EPS8: variants seen among roughly 807,000 people sequenced by gnomAD.
The protein encoded by EPS8 is epidermal growth factor receptor kinase substrate 8.
Under a neutral mutation model 103.8 loss-of-function variants are expected in EPS8, and 42 were observed. The observed-to-expected ratio is 0.40, with a 90% CI of 0.32 to 0.52. The LOEUF (loss-of-function observed/expected upper bound fraction) is 0.52, where lower values mean the gene tolerates loss of function less well. Among genes scored for constraint, EPS8 ranks in the 20% least tolerant of loss-of-function variants. EPS8 has a pLI of 0.40. For synonymous variants in EPS8, 344 were observed against 344.6 expected (o/e 1.00, Z 0.02); for missense variants, 969 against 1,005.1 (o/e 0.96, Z 0.49).
At chr12:15,671,349 C>T (rs942381618) in intron 3 of EPS8, among the ~76,000 whole-genome samples, 22 of 152,058 alleles carry the variant, frequency 1.4e-4, no homozygotes, top group Admixed American at 2.6e-4. Flanking sequence ...AGTTAGACTA[C>T]ATTATTAAAA....
At position 15,787,729 on chromosome 12, in the gene EPS8, A is replaced by T. The variant is rs1947325022; in HGVS notation, c.-22+1432T>A. On this transcript the variant is annotated intron_variant, in intron 1 of 20. Coordinates refer to ENST00000281172, the MANE Select transcript of EPS8 (RefSeq NM_004447.6). The surrounding 1 kb of genome is among the most constrained non-coding windows in gnomAD (Gnocchi z 4.9). ...TCTCAATCTGTGTATTCTGCAATAA[A>T]GGCATTATATTATCACTATTGCATT... 6.6e-6 allele frequency among the ~76,000 whole-genome samples: 1 copy of T among 152,194 alleles called. No individual in the cohort carries two copies. The highest frequency in any genetic ancestry group is 2.4e-5 in the African/African-American group (1 of 41,448).
In EPS8 at chr12:15,684,180, G is replaced by A. The variant is rs1221717007; in HGVS notation, c.-21-1208C>T. 1 of 152,166 alleles carries A rather than the reference G, an allele frequency of 6.6e-6. No individual in the cohort carries two copies. Among genetic ancestry groups the A allele is most frequent in the African/African-American group, 2.4e-5 (1 of 41,458 alleles). The allele number at this position is 152,166 out of a possible 1,614,324, so 9.4% of individuals were successfully genotyped here. A position where few individuals can be genotyped will look rare whatever the true frequency, so the allele number is the denominator to read the frequency against. On this transcript the variant is annotated intron_variant, in intron 1 of 20. Coordinates refer to ENST00000281172, the MANE Select transcript of EPS8 (RefSeq NM_004447.6). This position sits in a 1 kb window ranked among gnomAD's most constrained non-coding sequence, Gnocchi z 4.9. ...TAACAGAACTTAACTCTGATTGGAAGAGCACAGAAAGCCTACATAAAGAAA... is the reference window on the plus strand; with the variant it reads ...TAACAGAACTTAACTCTGATTGGAAAAGCACAGAAAGCCTACATAAAGAAA...
Position 15,767,538 on chromosome 12 carries a change from G to C in EPS8, c.-22+21623C>G, listed in dbSNP as rs1050908777. Among the ~76,000 whole-genome samples the C allele has an allele frequency of 6.6e-6, 1 of 152,140 alleles. No homozygotes were observed. The highest frequency in any genetic ancestry group is 2.4e-5 in the African/African-American group (1 of 41,432). On this transcript the variant is annotated intron_variant, in intron 1 of 20. Coordinates refer to ENST00000281172, the MANE Select transcript of EPS8 (RefSeq NM_004447.6). The surrounding 1 kb of genome is among the most constrained non-coding windows in gnomAD (Gnocchi z 5.5). ...AGTTGACAGTATCAGGTCAGTCTTA[G>C]GCCATAAAGAAGTACTTTATTATCC...
intron 18 of EPS8, among the ~76,000 whole-genome samples, chr12:15,628,704 C>T (rs1239783801): frequency 6.6e-6 from 1 of 152,206 alleles, no homozygotes; most frequent in Non-Finnish European, 1.5e-5. Context: ...TAAAAACAGG[C>T]ATGTTGGCTT....
At chr12:15,763,705 C>T (rs1214351719) in intron 1 of EPS8, among the ~76,000 whole-genome samples, 1 of 152,196 alleles carries the variant, frequency 6.6e-6, no homozygotes, top group African/African-American at 2.4e-5. Flanking sequence ...TGGCACTCTT[C>T]TTTCTCCATC....
In EPS8 at chr12:15,723,138, C is replaced by G. The variant is rs892879894; in HGVS notation, c.-21-40166G>C. On this transcript the variant is annotated intron_variant, in intron 1 of 20. Coordinates refer to ENST00000281172, the MANE Select transcript of EPS8 (RefSeq NM_004447.6). ...CAGCCTGGGCAACATGGTGAAATCTCCTCTCTACAAAAAATACAAAAACTT... is the reference window on the plus strand; with the variant it reads ...CAGCCTGGGCAACATGGTGAAATCTGCTCTCTACAAAAAATACAAAAACTT... 3.9e-5 allele frequency among the ~76,000 whole-genome samples: 6 copies of G among 152,048 alleles called. No individual in the cohort carries two copies. In the East Asian group the frequency reaches 1.2e-3, roughly 29 times the overall value.
rs1565528478 is a variant in EPS8, at chr12:15,747,381, C to T, written c.-22+41780G>A. 6.6e-6 allele frequency among the ~76,000 whole-genome samples: 1 copy of T among 152,138 alleles called. No homozygotes were observed. The highest frequency in any genetic ancestry group is 1.5e-5 in the Non-Finnish European group (1 of 68,022). ...AAAGTGCTTAATCTTAGTACATTAA[C>T]AAACTTACTCCATTTCCTAGAAACC... On this transcript the variant is annotated intron_variant, in intron 1 of 20. Transcript: ENST00000281172. The surrounding 1 kb of genome is among the most constrained non-coding windows in gnomAD (Gnocchi z 4.4).
rs138188521 is a variant in EPS8, at chr12:15,779,581, T to C, written c.-22+9580A>G. On this transcript the variant is annotated intron_variant, in intron 1 of 20. Coordinates refer to ENST00000281172, the MANE Select transcript of EPS8 (RefSeq NM_004447.6). The surrounding 1 kb of genome is among the most constrained non-coding windows in gnomAD (Gnocchi z 4.3). The stretch of plus-strand genomic sequence containing the variant: ...CCAACAAATATCTCAATAATATACA[T>C]GTATTTCTATAATAAGGAATAACTT... 8.8e-3 allele frequency among the ~76,000 whole-genome samples: 1,348 copies of C among 152,342 alleles called. 21 individuals are homozygous for C. The highest frequency in any genetic ancestry group is 0.03 in the African/African-American group (1,236 of 41,578).
rs1238797409 is a variant in EPS8, at chr12:15,701,397, A to C, written c.-21-18425T>G. Among the ~76,000 whole-genome samples, 1 of 152,194 alleles carries C rather than the reference A, an allele frequency of 6.6e-6. No homozygotes were observed. The highest frequency in any genetic ancestry group is 1.5e-5 in the Non-Finnish European group (1 of 68,018). ...CTCAGACACAGGCAGACCAACACAA[A>C]AGCCCAAACTCAGTTTCTATGCTAT... is the stretch of plus-strand genomic sequence containing the variant. On this transcript the variant is annotated intron_variant, in intron 1 of 20. Coordinates refer to ENST00000281172, the MANE Select transcript of EPS8 (RefSeq NM_004447.6). This position sits in a 1 kb window ranked among gnomAD's most constrained non-coding sequence, Gnocchi z 5.1.
At chr12:15,645,951 A>G (rs1279437253) in intron 15 of EPS8, among the ~76,000 whole-genome samples, 1 of 152,228 alleles carries the variant, frequency 6.6e-6, no homozygotes, top group Non-Finnish European at 1.5e-5. Context: ...AAACCTATTA[A>G]TCTGAAATGA....
At chr12:15,732,034 A>G (rs1946722305) in intron 1 of EPS8, among the ~76,000 whole-genome samples, 1 of 152,174 alleles carries the variant, frequency 6.6e-6, no homozygotes, top group Non-Finnish European at 1.5e-5. Context: ...TACTCCTGAG[A>G]GTAGGTAAGT....
rs1464158247 is a variant in EPS8, at chr12:15,761,132, T to C, written c.-22+28029A>G. Among the ~76,000 whole-genome samples the C allele has an allele frequency of 6.6e-6, 1 of 151,988 alleles. No homozygotes were observed. Among genetic ancestry groups the C allele is most frequent in the Non-Finnish European group, 1.5e-5 (1 of 67,972 alleles). On this transcript the variant is annotated intron_variant, in intron 1 of 20. Coordinates refer to ENST00000281172, the MANE Select transcript of EPS8 (RefSeq NM_004447.6). The surrounding 1 kb of genome is among the most constrained non-coding windows in gnomAD (Gnocchi z 4.5). Reference sequence around the variant, plus strand: ...AATCAAATTACAAAAATCAGTAGCATTTCTACATGCCAACAGACAACAATC... The same window carrying C: ...AATCAAATTACAAAAATCAGTAGCACTTCTACATGCCAACAGACAACAATC...
chr12:15,626,268 C>G (rs897092684), intron 18 of EPS8, among the ~76,000 whole-genome samples: 6 of 152,130 alleles, frequency 3.9e-5, no homozygotes, highest in African/African-American at 1.4e-4. Context: ...ACAGATCTCT[C>G]TGCTTCCACT....
At chr12:15,634,023 A>G (rs1004400056) in intron 17 of EPS8, among the ~76,000 whole-genome samples, 6 of 152,202 alleles carry the variant, frequency 3.9e-5, no homozygotes, top group African/African-American at 1.2e-4. Context: ...AATGATTCCA[A>G]CGTATCTCAG....
Position 15,660,750 on chromosome 12 carries a change from G to T in EPS8, c.811-10C>A, listed in dbSNP as rs2135815753. 2 of 1,454,886 alleles carry T rather than the reference G, an allele frequency of 1.4e-6. No individual in the cohort carries two copies. Among genetic ancestry groups the T allele is most frequent in the Middle Eastern group, 1.9e-4 (1 of 5,292 alleles). 90.1% of individuals were successfully genotyped at this position (1,454,886 alleles called of 1,614,324 possible). ...TGTGGTTTAAGATTTGCTGAAATTA[G>T]AAATTATAGAATAAAATATAAAACA... is the stretch of plus-strand genomic sequence containing the variant. On this transcript the variant is annotated splice_polypyrimidine_tract_variant and intron_variant, in intron 9 of 20. Transcript: ENST00000281172.
In EPS8 at chr12:15,727,614, C is replaced by T. The variant is rs538452172; in HGVS notation, c.-21-44642G>A. Among the ~76,000 whole-genome samples the T allele has an allele frequency of 6.6e-6, 1 of 152,182 alleles. No individual in the cohort carries two copies. Among genetic ancestry groups the T allele is most frequent in the Admixed American group, 6.5e-5 (1 of 15,284 alleles). ...GTGGCTCACGCCTGTAATTCCAGCA[C>T]CTTGGGAGGCCGAGGTGGGCGGATC... is the stretch of plus-strand genomic sequence containing the variant. On this transcript the variant is annotated intron_variant, in intron 1 of 20. Transcript: ENST00000281172. The surrounding 1 kb of genome is among the most constrained non-coding windows in gnomAD (Gnocchi z 4.3).
intron 6 of EPS8, among the ~76,000 whole-genome samples, chr12:15,667,069 T>G (rs1179434584): frequency 6.6e-6 from 1 of 152,216 alleles, no homozygotes; most frequent in Non-Finnish European, 1.5e-5. Context: ...TCCACTACTT[T>G]TCCAGAACAT....
intron 4 of EPS8, 59 bp from the exon 5 acceptor site, chr12:15,669,884 A>G: frequency 2.3e-6 from 3 of 1,304,150 alleles, no homozygotes; most frequent in Non-Finnish European, 3.1e-6. Flanking sequence ...ACAACCTCTT[A>G]GTATACATTT....
intron 1 of EPS8, among the ~76,000 whole-genome samples, chr12:15,724,565 T>C (rs1287287357): frequency 1.3e-5 from 2 of 152,236 alleles, no homozygotes; most frequent in Non-Finnish European, 2.9e-5. Context: ...TTTCAATCTC[T>C]GATATGGTTT....
Sources: gnomAD v4.1 joint callset for allele counts (sites outside exome capture counted in the v4.1 genomes callset) on GRCh38, gnomAD v4.1.1 for gene constraint, Gnocchi (gnomAD v3.1) non-coding constraint, MANE v1.5 for transcripts, NCBI Gene and HGNC (gene_info 2026-07-23, HGNC 2026-07-21) for gene names.